RTN1: variants seen among roughly 807,000 people sequenced by gnomAD.
RTN1 encodes the protein reticulon-1.
In RTN1, 25 loss-of-function variants were observed where a neutral mutation model predicts 65.5. That is an observed-to-expected ratio of 0.38 (90% confidence interval 0.28 to 0.53). The LOEUF is 0.53. Among genes scored for constraint, RTN1 ranks in the 20% least tolerant of loss-of-function variants. The pLI, the probability that RTN1 is intolerant of heterozygous loss-of-function variation, is 0.79. For missense variants in RTN1, 983 were observed against 1,025.4 expected (o/e 0.96, Z 0.57); for synonymous variants, 471 against 447.6 (o/e 1.05, Z -0.66).
At chr14:59,784,195 T>G (rs1465509162) in intron 1 of RTN1, among the ~76,000 whole-genome samples, 1 of 152,216 alleles carries the variant, frequency 6.6e-6, no homozygotes, top group Non-Finnish European at 1.5e-5. Flanking sequence ...TCCCAGCACT[T>G]TGGGAGGCCA....
chr14:59,757,882 C>A (rs1566716852), intron 1 of RTN1, among the ~76,000 whole-genome samples: 1 of 152,100 alleles, frequency 6.6e-6, no homozygotes, highest in South Asian at 2.1e-4. Flanking sequence ...GAATCTACAA[C>A]AACATGTCAT....
intron 1 of RTN1, among the ~76,000 whole-genome samples, chr14:59,863,751 T>G (rs1316180462): frequency 6.6e-6 from 1 of 152,200 alleles, no homozygotes; most frequent in South Asian, 2.1e-4. Flanking sequence ...TTAACATGTG[T>G]AAAACCAAAC....
At chr14:59,724,706 G>A (rs113465320) in intron 3 of RTN1, among the ~76,000 whole-genome samples, 3 of 147,160 alleles carry the variant, frequency 2.0e-5, no homozygotes, top group African/African-American at 5.2e-5. Flanking sequence ...GGCAACAAAA[G>A]TGAAACTCTG....
At chr14:59,625,377 A>G (rs1346772914) in intron 3 of RTN1, among the ~76,000 whole-genome samples, 1 of 152,230 alleles carries the variant, frequency 6.6e-6, no homozygotes, top group Non-Finnish European at 1.5e-5. Context: ...TGTAGGGTCT[A>G]AAACTGCAAC....
At chr14:59,779,392 C>T (rs1466422524) in intron 1 of RTN1, among the ~76,000 whole-genome samples, 2 of 152,062 alleles carry the variant, frequency 1.3e-5, no homozygotes, top group East Asian at 1.9e-4. Context: ...AATATGCTCA[C>T]TGGGATAGAG....
At chr14:59,690,601 A>G (rs1171165293) in intron 3 of RTN1, among the ~76,000 whole-genome samples, 1 of 152,118 alleles carries the variant, frequency 6.6e-6, no homozygotes, top group African/African-American at 2.4e-5. Flanking sequence ...CCTAATAGAC[A>G]TCTACAGAAT....
intron 1 of RTN1, among the ~76,000 whole-genome samples, chr14:59,815,651 T>C (rs1164665931): frequency 6.6e-6 from 1 of 152,188 alleles, no homozygotes; most frequent in Non-Finnish European, 1.5e-5. Flanking sequence ...ATCTTCTCTG[T>C]GCCCTCACAG....
At chr14:59,823,800 C>G (rs1886984815) in intron 1 of RTN1, among the ~76,000 whole-genome samples, 1 of 152,150 alleles carries the variant, frequency 6.6e-6, no homozygotes, top group Non-Finnish European at 1.5e-5. Context: ...TGAATTTACA[C>G]GTCAACCTCT....
intron 1 of RTN1, among the ~76,000 whole-genome samples, chr14:59,767,540 A>G (rs1048854299): frequency 1.3e-5 from 2 of 152,214 alleles, no homozygotes; most frequent in Non-Finnish European, 2.9e-5. Context: ...AGCTTAGCCT[A>G]TACCCTAACC....
intron 3 of RTN1, among the ~76,000 whole-genome samples, chr14:59,714,022 T>G (rs1884478835): frequency 6.6e-6 from 1 of 151,800 alleles, no homozygotes; most frequent in Non-Finnish European, 1.5e-5. Flanking sequence ...GATCACGAGG[T>G]CAGGAGTTCC....
intron 3 of RTN1, among the ~76,000 whole-genome samples, chr14:59,661,144 T>C (rs1055329778): frequency 4.7e-5 from 7 of 149,470 alleles, no homozygotes; most frequent in Non-Finnish European, 1.0e-4. Context: ...CTAGAAGAAA[T>C]GGATAAATTC....
intron 3 of RTN1, among the ~76,000 whole-genome samples, chr14:59,652,047 C>T (rs2140200005): frequency 6.6e-6 from 1 of 152,052 alleles, no homozygotes; most frequent in Non-Finnish European, 1.5e-5. Context: ...CAAAAGAAGA[C>T]ATAGATACAG....
chr14:59,662,281 C>T (rs1010654286), intron 3 of RTN1, among the ~76,000 whole-genome samples: 6 of 151,470 alleles, frequency 4.0e-5, no homozygotes, highest in East Asian at 3.9e-4. Flanking sequence ...ATTTACATTA[C>T]GTATATCTCC....
intron 8 of RTN1, among the ~76,000 whole-genome samples, chr14:59,600,297 T>C (rs1881540226): frequency 1.3e-5 from 2 of 152,126 alleles, no homozygotes; most frequent in South Asian, 2.1e-4. Flanking sequence ...ATATATAATA[T>C]TGAGGGTTTC....
intron 3 of RTN1, among the ~76,000 whole-genome samples, chr14:59,649,796 T>G (rs1261172668): frequency 6.6e-6 from 1 of 152,172 alleles, no homozygotes; most frequent in Non-Finnish European, 1.5e-5. Flanking sequence ...TTTTACACTG[T>G]TGGTGGGAGT....
rs180934806 is a variant in RTN1, at chr14:59,730,048, G to A, written c.1016-2380C>T. Among the ~76,000 whole-genome samples, 9 of 152,132 alleles carry A rather than the reference G, an allele frequency of 5.9e-5. No individual in the cohort carries two copies. In the East Asian group the frequency reaches 1.5e-3, roughly 26 times the overall value. ...TGTTAAGGCTTTGGCATCATTTGTC[G>A]GTTTTCTTGGCCATCTTTACACTTC... is the stretch of plus-strand genomic sequence containing the variant. On this transcript the variant is annotated intron_variant, in intron 2 of 8. Coordinates refer to ENST00000267484, the MANE Select transcript of RTN1 (RefSeq NM_021136.3).
chr14:59,797,799 T>C (rs902080334), intron 1 of RTN1, among the ~76,000 whole-genome samples: 2 of 152,220 alleles, frequency 1.3e-5, no homozygotes, highest in African/African-American at 2.4e-5. Context: ...TCATCTTTGT[T>C]AACACTATTG....
chr14:59,800,073 T>C (rs941259072), intron 1 of RTN1, among the ~76,000 whole-genome samples: 2 of 152,098 alleles, frequency 1.3e-5, no homozygotes, highest in Non-Finnish European at 2.9e-5. Flanking sequence ...GGCACAGATA[T>C]ACAGAGCCTG....
intron 3 of RTN1, among the ~76,000 whole-genome samples, chr14:59,620,402 G>T (rs1173313120): frequency 6.6e-6 from 1 of 152,072 alleles, no homozygotes; most frequent in Non-Finnish European, 1.5e-5. Flanking sequence ...AAGGCTACTG[G>T]GTGTGTGAAA....
Sources: gnomAD v4.1 joint callset for allele counts (sites outside exome capture counted in the v4.1 genomes callset) on GRCh38, gnomAD v4.1.1 for gene constraint, MANE v1.5 for transcripts, NCBI Gene and HGNC (gene_info 2026-07-23, HGNC 2026-07-21) for gene names.